USP18: variants seen among roughly 807,000 people sequenced by gnomAD.
USP18 encodes the protein ubl carboxyl-terminal hydrolase 18.
A neutral mutation model predicts 48.7 loss-of-function variants in USP18; 11 were observed. The ratio of observed to expected loss-of-function variants is 0.23; its 90% confidence interval spans 0.14 to 0.37. USP18 has a LOEUF of 0.37. Among genes scored for constraint, USP18 ranks in the 10% least tolerant of loss-of-function variants. USP18 has a pLI of 1.00. For missense variants in USP18, 285 were observed against 436.4 expected (o/e 0.65, Z 3.09); for synonymous variants, 114 against 163.2 (o/e 0.70, Z 2.30).
At chr22:18,151,599 A>T (rs1175035842) in intron 1 of USP18, among the ~76,000 whole-genome samples, 1 of 152,168 alleles carries the variant, frequency 6.6e-6, no homozygotes, top group African/African-American at 2.4e-5. Context: ...ACAAAGGGGA[A>T]AATGCTTAAC....
chr22:18,172,274 T>G (rs574896489), intron 8 of USP18, among the ~76,000 whole-genome samples: 27 of 152,352 alleles, frequency 1.8e-4, no homozygotes, highest in African/African-American at 6.3e-4. Context: ...CTGGATTTTT[T>G]TGAAGCAAAT....
chr22:18,175,004 C>T lies in USP18; in HGVS notation c.1073+1162C>T, dbSNP rs150958503. Reference sequence around the variant, plus strand: ...TCTCAGCTCATTGCAAGCTCTGCCTCGTGGGTTCATGCCATTCTCCTGCCT... The same window carrying T: ...TCTCAGCTCATTGCAAGCTCTGCCTTGTGGGTTCATGCCATTCTCCTGCCT... On this transcript the variant is annotated intron_variant, in intron 10 of 10. Transcript: ENST00000215794. Among the ~76,000 whole-genome samples, 791 of 152,254 alleles carry T rather than the reference C, an allele frequency of 5.2e-3. 7 individuals are homozygous for T. The highest frequency in any genetic ancestry group is 0.018 in the African/African-American group (744 of 41,540).
intron 1 of USP18, among the ~76,000 whole-genome samples, chr22:18,153,451 G>T (rs1929051464): frequency 8.2e-6 from 1 of 122,038 alleles, no homozygotes; most frequent in African/African-American, 3.3e-5. Context: ...AGGAGACAGG[G>T]TCTTGCCCTG....
intron 4 of USP18, 33 bp downstream of exon 4, chr22:18,161,968 T>C: frequency 6.3e-7 from 1 of 1,587,894 alleles, no homozygotes; most frequent in Non-Finnish European, 8.6e-7. Context: ...TCCTGGCTGC[T>C]GATCCAAAGG....
chr22:18,165,373 ATGTT>A (rs1303240541), intron 4 of USP18, among the ~76,000 whole-genome samples: 1 of 53,400 alleles, frequency 1.9e-5, no homozygotes, highest in Non-Finnish European at 3.7e-5. Context: ...TTTCCCATAA[ATGTT>A]TGGTAGAACC....
chr22:18,159,214 C>T (rs927954682), intron 2 of USP18, among the ~76,000 whole-genome samples: 3 of 152,094 alleles, frequency 2.0e-5, no homozygotes, highest in Admixed American at 6.6e-5. Context: ...CACCACCACA[C>T]CCGGCTAATT....
intron 4 of USP18, among the ~76,000 whole-genome samples, chr22:18,163,552 A>C (rs2123734348): frequency 6.6e-6 from 1 of 152,042 alleles, no homozygotes; most frequent in East Asian, 1.9e-4. Flanking sequence ...CTGAGGAAGG[A>C]GAATGGCGTG....
In USP18 at chr22:18,173,225, A is replaced by G. The variant is rs144567602; in HGVS notation, c.967A>G (p.Ile323Val). The G allele has an allele frequency of 1.1e-3, 1,700 of 1,609,544 alleles. 18 individuals carry two copies. The African/African-American group carries it at 0.02, about 19-fold the overall frequency. The change falls in exon 9 of 11, where the codon ATC becomes GTC. Residue 323 changes from isoleucine (I) to valine (V), a missense_variant. Ile to Val is a conservative substitution (Grantham distance 29). Coordinates refer to ENST00000215794, the MANE Select transcript of USP18 (RefSeq NM_017414.4). ...MADSGHYCVY[I>V]RNAVDGKWFC... ...AGACTCCGGTCATTACTGTGTCTACATCCGGAATGCTGTGGATGGAAAATG... is the reference window on the plus strand; with the variant it reads ...AGACTCCGGTCATTACTGTGTCTACGTCCGGAATGCTGTGGATGGAAAATG...
rs1455529751 is a variant in USP18 at position 18,167,948 on chromosome 22, A to G, written c.539A>G (p.Asp180Gly). The change falls in exon 6 of 11, where the codon GAC (aspartate) becomes GGC (glycine). Residue 180 changes from aspartate (D) to glycine (G), a missense_variant. By Grantham distance (94) the Asp-to-Gly change is moderately conservative (BLOSUM62 -1). This residue lies in a region of USP18 where 199 missense variants were observed against 239.6 expected (regional missense o/e 0.83). Coordinates refer to ENST00000215794, the MANE Select transcript of USP18 (RefSeq NM_017414.4). ...GTGAAGGACTCCTTGATTTGCGTTG[A>G]CTGTGCCATGGAGAGTAGCAGAAAC... ...IRVKDSLICV[D>G]CAMESSRNSS... is the part of the protein sequence containing the mutation. The G allele has an allele frequency of 6.2e-7, 1 of 1,613,988 alleles. No individual in the cohort carries two copies. Among genetic ancestry groups the G allele is most frequent in the South Asian group, 1.1e-5 (1 of 91,076 alleles).
At chr22:18,160,349 A>C in intron 3 of USP18, 81 bp downstream of exon 3, 3 of 1,535,552 alleles carry the variant, frequency 2.0e-6, no homozygotes, top group Non-Finnish European at 9.0e-7. Flanking sequence ...TCTGTTGCCC[A>C]GGCTGGAGTG....
intron 4 of USP18, among the ~76,000 whole-genome samples, chr22:18,163,565 C>T (rs1466381987): frequency 6.6e-6 from 1 of 151,872 alleles, no homozygotes; most frequent in Non-Finnish European, 1.5e-5. Context: ...ATGGCGTGAA[C>T]CCGGGAGGCG....
At chr22:18,169,230 C>A (rs922307145) in intron 6 of USP18, among the ~76,000 whole-genome samples, 1 of 151,932 alleles carries the variant, frequency 6.6e-6, no homozygotes, top group Non-Finnish European at 1.5e-5. Context: ...CACCATCCCC[C>A]GTGGTGCTGT....
chr22:18,165,510 G>GCGGC (rs1252924573), intron 4 of USP18, among the ~76,000 whole-genome samples: 2 of 85,822 alleles, frequency 2.3e-5, no homozygotes. Flanking sequence ...ACCCCTCACC[G>GCGGC]CGGCCGTGTT....
At chr22:18,163,022 T>C in intron 4 of USP18, among the ~76,000 whole-genome samples, 1 of 151,662 alleles carries the variant, frequency 6.6e-6, no homozygotes, top group Non-Finnish European at 1.5e-5. Context: ...TCTTCTAGTT[T>C]GCTAATCCTT....
chr22:18,174,292 C>A lies in USP18; in HGVS notation c.1073+450C>A, dbSNP rs1485237313. 2.0e-5 allele frequency among the ~76,000 whole-genome samples: 3 copies of A among 148,796 alleles called. No individual in the cohort carries two copies. In the East Asian group the frequency reaches 6.0e-4, roughly 30 times the overall value. ...CCGGGCTGGAGTGTAGTGGCACAAT[C>A]TTGGCTACTACACTTGGCTCCTCCT... On this transcript the variant is annotated intron_variant, in intron 10 of 10. Coordinates refer to ENST00000215794, the MANE Select transcript of USP18 (RefSeq NM_017414.4).
In USP18 at chr22:18,157,794, G is replaced by A. The variant is rs183295387; in HGVS notation, c.131G>A (p.Arg44His). 5 of 1,613,952 alleles carry A rather than the reference G, an allele frequency of 3.1e-6. No homozygotes were observed. Among genetic ancestry groups the A allele is most frequent in the Admixed American group, 1.7e-5 (1 of 59,992 alleles). ...SNMKREQPRE[R>H]PRAWDYPHGL... Reference sequence around the variant, plus strand: ...ATGAAGAGAGAGCAGCCCAGAGAGCGTCCCAGGGCCTGGGACTACCCTCAT... The same window carrying A: ...ATGAAGAGAGAGCAGCCCAGAGAGCATCCCAGGGCCTGGGACTACCCTCAT... The change falls in exon 2 of 11, where the codon CGT becomes CAT. Residue 44 changes from arginine to histidine, a missense_variant. Physicochemically the swap from Arg to His is conservative, Grantham distance 29. Coordinates refer to ENST00000215794, the MANE Select transcript of USP18 (RefSeq NM_017414.4).
intron 1 of USP18, among the ~76,000 whole-genome samples, chr22:18,156,764 G>A (rs2123727873): frequency 6.6e-6 from 1 of 152,338 alleles, no homozygotes; most frequent in African/African-American, 2.4e-5. Context: ...AACATCAGAA[G>A]GAATAAACTG....
chr22:18,150,975 C>T (rs554844949), intron 1 of USP18, among the ~76,000 whole-genome samples: 8 of 152,300 alleles, frequency 5.3e-5, no homozygotes, highest in African/African-American at 1.9e-4. Flanking sequence ...AAACCTGATA[C>T]ATGGTATGGG....
chr22:18,163,801 T>C (rs551813861), intron 4 of USP18, among the ~76,000 whole-genome samples: 1 of 152,320 alleles, frequency 6.6e-6, no homozygotes, highest in African/African-American at 2.4e-5. Context: ...TCATCTATGT[T>C]GTTAGCGGCC....
Sources: gnomAD v4.1 joint callset for allele counts (sites outside exome capture counted in the v4.1 genomes callset) on GRCh38, gnomAD v4.1.1 for gene constraint, gnomAD v4.1.1 regional missense constraint, MANE v1.5 for transcripts, NCBI Gene and HGNC (gene_info 2026-07-23, HGNC 2026-07-21) for gene names.